GRIA2: variants seen among roughly 807,000 people sequenced by gnomAD.
The protein encoded by GRIA2 is glutamate receptor 2.
In GRIA2, 14 loss-of-function variants were observed where a neutral mutation model predicts 97.3. The observed-to-expected ratio is 0.14, with a 90% CI of 0.10 to 0.23. GRIA2 has a LOEUF of 0.23. Among genes scored for constraint, GRIA2 ranks in the 10% least tolerant of loss-of-function variants. The pLI is 1.00. For synonymous variants in GRIA2, 412 were observed against 387.8 expected (o/e 1.06, Z -0.73); for missense variants, 558 against 1,069.8 (o/e 0.52, Z 6.67).
chr4:157,344,287 G>A (rs561321703), intron 12 of GRIA2, among the ~76,000 whole-genome samples: 2 of 152,038 alleles, frequency 1.3e-5, no homozygotes, highest in African/African-American at 4.8e-5. Context: ...GGAAATTCTT[G>A]TTTCTATTCC....
At chr4:157,242,673 T>C (rs1287314430) in intron 2 of GRIA2, among the ~76,000 whole-genome samples, 1 of 152,150 alleles carries the variant, frequency 6.6e-6, no homozygotes, top group Non-Finnish European at 1.5e-5. Flanking sequence ...TAGCAAATAC[T>C]GAACCATTGC....
chr4:157,336,795 G>A (rs750060000), intron 11 of GRIA2, 48 bp downstream of exon 11: 1 of 1,557,418 alleles, frequency 6.4e-7, no homozygotes, highest in Admixed American at 1.7e-5. Context: ...GTCTCAAGTG[G>A]ACATTCATGG....
intron 4 of GRIA2, among the ~76,000 whole-genome samples, chr4:157,313,651 C>T (rs1478445160): frequency 2.0e-5 from 3 of 151,938 alleles, no homozygotes; most frequent in Non-Finnish European, 4.4e-5. Context: ...ACAGCATCAA[C>T]ATTATGATTG....
At chr4:157,247,233 A>G (rs2126730264) in intron 2 of GRIA2, among the ~76,000 whole-genome samples, 1 of 152,288 alleles carries the variant, frequency 6.6e-6, no homozygotes, top group Admixed American at 6.5e-5. Context: ...TCATCTCCCA[A>G]CATATTGCAA....
chr4:157,356,051 TTA>T (rs1163496082), intron 12 of GRIA2, among the ~76,000 whole-genome samples: 10 of 114,290 alleles, frequency 8.7e-5, no homozygotes, highest in African/African-American at 2.8e-4. Flanking sequence ...ATATATGTAT[TTA>T]TATATATTTA....
At position 157,303,634 on chromosome 4, in the gene GRIA2, C is replaced by T. The variant is rs767578632; in HGVS notation, c.312C>T (p.Cys104=). The T allele has an allele frequency of 2.1e-5, 34 of 1,613,790 alleles. No homozygotes were observed. The Admixed American group carries it at 2.5e-4, about 12-fold the overall frequency. The change falls in exon 3 of 16, where the codon TGC becomes TGT. Residue 104 remains cysteine, a synonymous_variant. Transcript: ENST00000264426. ...CTGTAAATACCATCACATCATTTTG[C>T]GGAACACTCCACGTCTCCTTCATCA... The part of the protein sequence containing the change: ...KKSVNTITSF[C]GTLHVSFITP...
At chr4:157,292,263 G>A (rs767472228) in intron 2 of GRIA2, among the ~76,000 whole-genome samples, 4 of 151,958 alleles carry the variant, frequency 2.6e-5, no homozygotes, top group Admixed American at 6.6e-5. Flanking sequence ...ATATAGCAAC[G>A]TAGCATAAGA....
intron 2 of GRIA2, among the ~76,000 whole-genome samples, chr4:157,257,101 C>T (rs1731313010): frequency 1.3e-5 from 2 of 151,880 alleles, no homozygotes; most frequent in South Asian, 4.2e-4. Context: ...CAAAATAACC[C>T]AAGTGAAACC....
In GRIA2 at chr4:157,311,630, T is replaced by A. The variant is rs189506675; in HGVS notation, c.470-1049T>A. On this transcript the variant is annotated intron_variant, in intron 3 of 15. Coordinates refer to ENST00000264426, the MANE Select transcript of GRIA2 (RefSeq NM_001083619.3). ...AAGAGATATGTTCACATTAGGTGAATCCTACATTTTATTAATCAAAAGGGA... is the reference window on the plus strand; with the variant it reads ...AAGAGATATGTTCACATTAGGTGAAACCTACATTTTATTAATCAAAAGGGA... 2.4e-3 allele frequency among the ~76,000 whole-genome samples: 364 copies of A among 152,162 alleles called. 2 individuals carry two copies. The highest frequency in any genetic ancestry group is 8.3e-3 in the African/African-American group (346 of 41,568).
At chr4:157,279,391 GA>G (rs1042312622) in intron 2 of GRIA2, among the ~76,000 whole-genome samples, 3 of 152,136 alleles carry the variant, frequency 2.0e-5, no homozygotes, top group South Asian at 2.1e-4. Flanking sequence ...TCTGGAAAAG[GA>G]AAAACTAGGA....
At chr4:157,249,308 T>C (rs1251266547) in intron 2 of GRIA2, among the ~76,000 whole-genome samples, 2 of 152,088 alleles carry the variant, frequency 1.3e-5, no homozygotes, top group Admixed American at 1.3e-4. Context: ...TGTTCAAGAG[T>C]TTAGATACAT....
intron 2 of GRIA2, among the ~76,000 whole-genome samples, chr4:157,274,354 T>C (rs960733821): frequency 7.9e-5 from 12 of 151,974 alleles, no homozygotes; most frequent in African/African-American, 1.9e-4. Context: ...GGATACCTTT[T>C]ATTTCTTTTT....
intron 3 of GRIA2, among the ~76,000 whole-genome samples, chr4:157,312,250 G>T (rs754216228): frequency 6.6e-6 from 1 of 151,932 alleles, no homozygotes; most frequent in Non-Finnish European, 1.5e-5. Flanking sequence ...AAATGTACTC[G>T]TCTTCTTCAG....
chr4:157,242,668 AATAC>A (rs1381041169), intron 2 of GRIA2, among the ~76,000 whole-genome samples: 2 of 152,104 alleles, frequency 1.3e-5, no homozygotes, highest in African/African-American at 4.8e-5. Flanking sequence ...TGAATTAGCA[AATAC>A]TGAACCATTG....
At chr4:157,332,700 T>A in intron 6 of GRIA2, 119 bp from the exon 7 acceptor site, 3 of 656,350 alleles carry the variant, frequency 4.6e-6, no homozygotes, top group Non-Finnish European at 7.9e-6. Flanking sequence ...GAAATTGTGT[T>A]TAAATTCTTG....
intron 12 of GRIA2, among the ~76,000 whole-genome samples, chr4:157,345,582 G>A (rs780214898): frequency 2.0e-5 from 3 of 152,036 alleles, no homozygotes; most frequent in Non-Finnish European, 4.4e-5. Context: ...TGATTTTATA[G>A]GACCCATATG....
chr4:157,273,153 ATTAT>A (rs1218511289), intron 2 of GRIA2, among the ~76,000 whole-genome samples: 1 of 152,062 alleles, frequency 6.6e-6, no homozygotes, highest in Non-Finnish European at 1.5e-5. Context: ...TAACCTAGAG[ATTAT>A]TTAAAGTATA....
At chr4:157,338,008 G>GTATATA (rs70958818) in intron 11 of GRIA2, among the ~76,000 whole-genome samples, 36 of 79,278 alleles carry the variant, frequency 4.5e-4, no homozygotes, top group African/African-American at 9.4e-4. Flanking sequence ...ATATATATGT[G>GTATATA]TATATATATA....
At chr4:157,235,634 A>T (rs1730209819) in intron 2 of GRIA2, among the ~76,000 whole-genome samples, 2 of 152,096 alleles carry the variant, frequency 1.3e-5, no homozygotes, top group African/African-American at 4.8e-5. Context: ...CCAAATGAGT[A>T]CTACTGCTGT....
Sources: allele counts gnomAD v4.1 joint callset (sites outside exome capture counted in the v4.1 genomes callset), GRCh38; gene constraint gnomAD v4.1.1; transcripts MANE v1.5; gene names NCBI Gene and HGNC (gene_info 2026-07-23, HGNC 2026-07-21).